PCDH15: variants seen among roughly 807,000 people sequenced by gnomAD.
PCDH15 encodes protocadherin related 15, also known as protocadherin-15.
PCDH15 carries 129 observed loss-of-function variants against 178.5 expected under a neutral mutation model. The ratio of observed to expected loss-of-function variants is 0.72; its 90% confidence interval spans 0.63 to 0.84. The LOEUF is 0.84. Among genes scored for constraint, PCDH15 ranks in the 40% least tolerant of loss-of-function variants. The pLI is 0.00. For synonymous variants in PCDH15, 800 were observed against 732.0 expected (o/e 1.09, Z -1.50); for missense variants, 2,230 against 2,099.9 (o/e 1.06, Z -1.21).
chr10:55,431,791 C>T (rs139357379), intron 2 of PCDH15, among the ~76,000 whole-genome samples: 49 of 151,940 alleles, frequency 3.2e-4, no homozygotes, highest in African/African-American at 1.2e-3. Flanking sequence ...AATTTGAAAC[C>T]CAAATGTCAT....
chr10:55,180,951 T>C (rs1164211961), intron 1 of PCDH15, among the ~76,000 whole-genome samples: 2 of 152,030 alleles, frequency 1.3e-5, no homozygotes, highest in Non-Finnish European at 2.9e-5. Flanking sequence ...AAAAAAAACA[T>C]ATTTTTTTAA....
At position 54,857,163 on chromosome 10, in the gene PCDH15, C is replaced by T. The variant is rs555051745; in HGVS notation, c.-29+40287G>A. On this transcript the variant is annotated intron_variant, in intron 3 of 5. Coordinates refer to the PCDH15 transcript ENST00000458638. Reference sequence around the variant, plus strand: ...TGAATTCACCTCTGCATCTATATCACTTATGTTAGAATCTGGAAAATAAGC... The same window carrying T: ...TGAATTCACCTCTGCATCTATATCATTTATGTTAGAATCTGGAAAATAAGC... 6.6e-5 allele frequency among the ~76,000 whole-genome samples: 10 copies of T among 152,204 alleles called. No individual in the cohort carries two copies. The South Asian group carries it at 2.1e-3, about 32-fold the overall frequency.
intron 2 of PCDH15, among the ~76,000 whole-genome samples, chr10:55,394,160 A>G (rs994977359): frequency 6.6e-6 from 1 of 151,894 alleles, no homozygotes; most frequent in East Asian, 1.9e-4. Flanking sequence ...CCTCTTTTCT[A>G]CTATATAGCC....
intron 18 of PCDH15, among the ~76,000 whole-genome samples, chr10:54,065,445 T>C (rs942861015): frequency 6.6e-6 from 1 of 152,226 alleles, no homozygotes; most frequent in Non-Finnish European, 1.5e-5. Flanking sequence ...GAATATTTTG[T>C]GTCCAGATTT....
At chr10:54,138,625 G>T (rs1470174691) in intron 14 of PCDH15, among the ~76,000 whole-genome samples, 1 of 152,134 alleles carries the variant, frequency 6.6e-6, no homozygotes, top group African/African-American at 2.4e-5. Flanking sequence ...GTCAGGCCTG[G>T]TCAGTATGTG....
At chr10:55,007,490 A>G (rs1408839106) in intron 2 of PCDH15, among the ~76,000 whole-genome samples, 1 of 138,210 alleles carries the variant, frequency 7.2e-6, no homozygotes, top group African/African-American at 2.7e-5. Flanking sequence ...ATATTGTCAA[A>G]ATGTTTAACA....
At chr10:54,872,297 T>G (rs968202861) in intron 3 of PCDH15, among the ~76,000 whole-genome samples, 15 of 152,092 alleles carry the variant, frequency 9.9e-5, no homozygotes, top group African/African-American at 3.6e-4. Context: ...CCTAGTCACC[T>G]ATTTAATTTA....
chr10:54,992,744 T>C (rs990969318), intron 2 of PCDH15, among the ~76,000 whole-genome samples: 1 of 138,538 alleles, frequency 7.2e-6, no homozygotes, highest in Non-Finnish European at 1.5e-5. Context: ...GACAGAGTGA[T>C]CCTCCATCTC....
chr10:55,189,448 T>A (rs1591976789), intron 1 of PCDH15, among the ~76,000 whole-genome samples: 1 of 151,898 alleles, frequency 6.6e-6, no homozygotes, highest in Non-Finnish European at 1.5e-5. Flanking sequence ...CATTTCTTGC[T>A]ATAGAGATAA....
At chr10:54,958,120 C>T (rs1838538606) in intron 2 of PCDH15, among the ~76,000 whole-genome samples, 1 of 151,784 alleles carries the variant, frequency 6.6e-6, no homozygotes, top group African/African-American at 2.4e-5. Context: ...TAAAACTTTA[C>T]CGTTTTTTGT....
At chr10:55,602,635 C>T (rs979268972) in intron 2 of PCDH15, among the ~76,000 whole-genome samples, 1 of 152,182 alleles carries the variant, frequency 6.6e-6, no homozygotes, top group African/African-American at 2.4e-5. Flanking sequence ...CACACTGACA[C>T]CTCACACAGC....
chr10:54,948,315 CA>C (rs1401013557), intron 2 of PCDH15, among the ~76,000 whole-genome samples: 2 of 151,970 alleles, frequency 1.3e-5, no homozygotes, highest in African/African-American at 4.8e-5. Context: ...AGCAGTCAGA[CA>C]AGAGGAGATT....
intron 1 of PCDH15, among the ~76,000 whole-genome samples, chr10:55,319,177 C>A (rs1843817872): frequency 6.6e-6 from 1 of 152,036 alleles, no homozygotes; most frequent in Admixed American, 6.6e-5. Context: ...AGTAAACAGT[C>A]TCAAAAGACA....
intron 25 of PCDH15, among the ~76,000 whole-genome samples, chr10:53,930,334 T>A (rs971883596): frequency 1.3e-5 from 2 of 151,546 alleles, no homozygotes; most frequent in African/African-American, 4.8e-5. Context: ...GTCAGGCACC[T>A]GTAGTTCCAG....
intron 20 of PCDH15, among the ~76,000 whole-genome samples, chr10:54,009,099 G>A (rs2660148): frequency 0.18 from 26,996 of 151,782 alleles, 5,226 homozygotes; most frequent in African/African-American, 0.48. Context: ...GACCACTAGA[G>A]CACTGATAAT....
At chr10:55,425,621 T>G (rs960747173) in intron 2 of PCDH15, among the ~76,000 whole-genome samples, 1 of 151,818 alleles carries the variant, frequency 6.6e-6, no homozygotes, top group African/African-American at 2.4e-5. Context: ...AAAAAAATCT[T>G]GTGGGTCTGA....
chr10:55,136,922 C>T (rs1360939870), intron 2 of PCDH15, among the ~76,000 whole-genome samples: 4 of 152,020 alleles, frequency 2.6e-5, no homozygotes, highest in East Asian at 1.9e-4. Flanking sequence ...GCCTCCAATA[C>T]GCAGAAAAAT....
intron 1 of PCDH15, among the ~76,000 whole-genome samples, chr10:54,788,844 A>G (rs896112868): frequency 2.6e-5 from 4 of 151,788 alleles, no homozygotes; most frequent in African/African-American, 9.7e-5. Flanking sequence ...ATTGCAGTAG[A>G]GAAAGTGGAA....
At chr10:54,582,870 AG>A (rs2091161013) in intron 2 of PCDH15, among the ~76,000 whole-genome samples, 1 of 152,184 alleles carries the variant, frequency 6.6e-6, no homozygotes, top group Admixed American at 6.6e-5. Context: ...TAGGCAATAG[AG>A]CAAGAACCTG....
Sources: gnomAD v4.1 joint callset for allele counts (sites outside exome capture counted in the v4.1 genomes callset) on GRCh38, gnomAD v4.1.1 for gene constraint, MANE v1.5 for transcripts, NCBI Gene and HGNC (gene_info 2026-07-23, HGNC 2026-07-21) for gene names.